The following LIPA variants were observed in gnomAD, a reference collection of about 807,000 sequenced individuals.
The protein encoded by LIPA is lysosomal acid lipase/cholesteryl ester hydrolase.
LIPA carries 26 observed loss-of-function variants against 40.6 expected under a neutral mutation model. That is an observed-to-expected ratio of 0.64 (90% CI 0.47 to 0.89). The LOEUF (loss-of-function observed/expected upper bound fraction) is 0.89. LIPA is among the 40% of genes least tolerant of loss of function. LIPA has a pLI of 0.00. For missense variants in LIPA, 455 were observed against 479.6 expected (o/e 0.95, Z 0.48); for synonymous variants, 188 against 168.4 (o/e 1.12, Z -0.90).
chr10:89,289,850 C>T (rs1299545772), intron 1 of LIPA, among the ~76,000 whole-genome samples: 1 of 152,100 alleles, frequency 6.6e-6, no homozygotes, highest in Non-Finnish European at 1.5e-5. Context: ...CACCCTCTAC[C>T]TCTCCCCAGC....
intron 6 of LIPA, among the ~76,000 whole-genome samples, 200 bp from the exon 7 acceptor site, chr10:89,224,030 T>C (rs1842735907): frequency 6.6e-6 from 1 of 152,222 alleles, no homozygotes; most frequent in South Asian, 2.1e-4. Flanking sequence ...CAGAGGTGTA[T>C]TTAAATTCTC....
At chr10:89,353,843 A>G (rs1289237105) in intron 2 of LIPA, among the ~76,000 whole-genome samples, 1 of 152,088 alleles carries the variant, frequency 6.6e-6, no homozygotes, top group Non-Finnish European at 1.5e-5. Context: ...GGGGAGGCTG[A>G]GGCAGGAGAA....
chr10:89,281,896 T>A (rs1001107196), intron 1 of LIPA, among the ~76,000 whole-genome samples: 5 of 152,232 alleles, frequency 3.3e-5, no homozygotes, highest in Admixed American at 6.5e-5. Flanking sequence ...CTACTTAGTG[T>A]TCCTGGCTGA....
intron 1 of LIPA, among the ~76,000 whole-genome samples, chr10:89,309,870 C>T (rs1843506032): frequency 1.3e-5 from 2 of 152,190 alleles, no homozygotes. Flanking sequence ...AGCCTTTTAG[C>T]CACATTTCCC....
intron 1 of LIPA, among the ~76,000 whole-genome samples, chr10:89,287,072 C>T (rs1486260407): frequency 2.0e-5 from 3 of 152,208 alleles, no homozygotes; most frequent in Non-Finnish European, 4.4e-5. Flanking sequence ...ATCAGACTGT[C>T]CAGCTCACCT....
chr10:89,219,837 C>A (rs963696632), intron 8 of LIPA, among the ~76,000 whole-genome samples: 1 of 152,232 alleles, frequency 6.6e-6, no homozygotes, highest in Non-Finnish European at 1.5e-5. Flanking sequence ...GATGGTACAG[C>A]GGGTAGAAGA....
chr10:89,283,969 G>A (rs1843328175), intron 1 of LIPA: 1 of 152,296 alleles, frequency 6.6e-6, no homozygotes, highest in East Asian at 1.9e-4. Flanking sequence ...ATTTTCTTAG[G>A]TGCTGGATTT....
intron 2 of LIPA, among the ~76,000 whole-genome samples, chr10:89,408,183 T>G (rs1461025994): frequency 6.6e-6 from 1 of 152,164 alleles, no homozygotes; most frequent in Non-Finnish European, 1.5e-5. Context: ...CTGCAAACCC[T>G]GAAAAAGAGG....
intron 7 of LIPA, 81 bp downstream of exon 7, chr10:89,223,603 C>A: frequency 8.6e-7 from 1 of 1,164,572 alleles, no homozygotes; most frequent in South Asian, 1.2e-5. Context: ...AGGTCATTCC[C>A]ACCTCTCCCA....
intron 2 of LIPA, chr10:89,377,983 AG>A (rs1452766149): frequency 1.6e-6 from 1 of 638,182 alleles, no homozygotes; most frequent in Non-Finnish European, 2.8e-6. Context: ...CCAATTCACT[AG>A]GCATCAAGGG....
intron 1 of LIPA, among the ~76,000 whole-genome samples, chr10:89,318,372 T>C (rs1843553538): frequency 6.6e-6 from 1 of 152,024 alleles, no homozygotes; most frequent in Non-Finnish European, 1.5e-5. Context: ...TAGAGGAAGA[T>C]CTACCAAGCA....
chr10:89,410,414 T>C (rs182691668), intron 2 of LIPA, among the ~76,000 whole-genome samples: 187 of 152,364 alleles, frequency 1.2e-3, no homozygotes, highest in African/African-American at 4.2e-3. Context: ...TCCAGACTTA[T>C]GCTGCCCGAG....
intron 1 of LIPA, among the ~76,000 whole-genome samples, chr10:89,413,341 A>G (rs1291495888): frequency 6.6e-6 from 1 of 152,156 alleles, no homozygotes; most frequent in East Asian, 1.9e-4. Context: ...AACTGTTAGA[A>G]GTGATTGCTT....
At chr10:89,348,806 C>A (rs555778714) in intron 2 of LIPA, among the ~76,000 whole-genome samples, 3 of 152,120 alleles carry the variant, frequency 2.0e-5, no homozygotes, top group Non-Finnish European at 2.9e-5. Context: ...TCCATGCCTG[C>A]GTGGGGGTCC....
At chr10:89,320,243 A>G (rs1843563936) in intron 1 of LIPA, among the ~76,000 whole-genome samples, 1 of 152,246 alleles carries the variant, frequency 6.6e-6, no homozygotes, top group African/African-American at 2.4e-5. Flanking sequence ...GAAAGAAATA[A>G]AGGGTATTCA....
At chr10:89,359,844 A>AACAC (rs72449416) in intron 2 of LIPA, among the ~76,000 whole-genome samples, 7 of 111,264 alleles carry the variant, frequency 6.3e-5, no homozygotes, top group African/African-American at 2.4e-4. Context: ...CACACACACA[A>AACAC]ACACACACAC....
intron 1 of LIPA, among the ~76,000 whole-genome samples, chr10:89,292,720 G>C (rs939954498): frequency 1.3e-5 from 2 of 152,002 alleles, no homozygotes; most frequent in South Asian, 2.1e-4. Context: ...GTACAATGGT[G>C]CAATCTTGGT....
chr10:89,262,352 G>A (rs1178472763), intron 1 of LIPA, among the ~76,000 whole-genome samples: 1 of 152,192 alleles, frequency 6.6e-6, no homozygotes, highest in African/African-American at 2.4e-5. Flanking sequence ...CATCCCTGGA[G>A]TCTGCTCACA....
intron 6 of LIPA, among the ~76,000 whole-genome samples, chr10:89,224,624 C>T (rs535772561): frequency 7.9e-4 from 121 of 152,292 alleles, no homozygotes; most frequent in African/African-American, 2.9e-3. Flanking sequence ...TAGGGCAGAG[C>T]CCTGATGAAG....
Sources: allele counts gnomAD v4.1 joint callset (sites outside exome capture counted in the v4.1 genomes callset), GRCh38; gene constraint gnomAD v4.1.1; transcripts MANE v1.5; gene names NCBI Gene and HGNC (gene_info 2026-07-23, HGNC 2026-07-21).